Variants in VAMP3 observed in about 807,000 individuals in gnomAD.
The protein encoded by VAMP3 is vesicle-associated membrane protein 3.
VAMP3 carries 11 observed loss-of-function variants against 18.1 expected under a neutral mutation model. That is an observed-to-expected ratio of 0.61 (90% CI 0.38 to 1.00). The LOEUF (loss-of-function observed/expected upper bound fraction) is 1.00, where lower values mean the gene tolerates loss of function less well. Among genes scored for constraint, VAMP3 ranks in the 50% least tolerant of loss-of-function variants. The pLI is 0.01. For synonymous variants in VAMP3, 49 were observed against 43.1 expected, an observed-to-expected ratio of 1.14 and a Z score of -0.53; for missense variants, 122 against 127.3, an observed-to-expected ratio of 0.96 and a Z score of 0.20.
chr1:7,776,975 T>G, intron 2 of VAMP3, 185 bp from the exon 3 acceptor site: 3 of 476,870 alleles, frequency 6.3e-6, no homozygotes, highest in South Asian at 4.6e-5. Context: ...CCCGGCTGAT[T>G]TTCTTATGTT....
chr1:7,781,028 C>T lies in VAMP3; in HGVS notation c.*1383C>T, dbSNP rs2097056854. On this transcript the variant is annotated 3_prime_UTR_variant, in exon 5 of 5. Transcript: ENST00000054666. Reference sequence around the variant, plus strand: ...TGAGGGAGAAAGACACAGACTTTATCGCTCTGTGGCTCATTGTTACTGGAA... The same window carrying T: ...TGAGGGAGAAAGACACAGACTTTATTGCTCTGTGGCTCATTGTTACTGGAA... 1 of 152,814 alleles carries T rather than the reference C, an allele frequency of 6.5e-6. No individual in the cohort carries two copies. 9.5% of individuals were successfully genotyped at this position (152,814 alleles called of 1,614,324 possible). A position where few individuals can be genotyped will look rare whatever the true frequency, so the allele number is the denominator to read the frequency against.
At chr1:7,771,491 C>A (rs1428856979) in intron 1 of VAMP3, 106 bp downstream of exon 1, 1 of 1,339,052 alleles carries the variant, frequency 7.5e-7, no homozygotes, top group Non-Finnish European at 9.6e-7. Context: ...CGGACGCAGG[C>A]CGGGGCTGCG....
At chr1:7,773,383 C>T in intron 1 of VAMP3, 59 bp from the exon 2 acceptor site, 5 of 1,420,026 alleles carry the variant, frequency 3.5e-6, no homozygotes, top group Non-Finnish European at 4.9e-6. Flanking sequence ...CATCTTTATA[C>T]TTAAGAAAAT....
chr1:7,773,930 G>A (rs1305323174), intron 2 of VAMP3, among the ~76,000 whole-genome samples: 2 of 152,148 alleles, frequency 1.3e-5, no homozygotes, highest in Non-Finnish European at 2.9e-5. Flanking sequence ...TAATTGTCCA[G>A]CCTGAGCAAG....
At chr1:7,778,228 T>C (rs2097055289) in intron 4 of VAMP3, 59 bp downstream of exon 4, 3 of 1,583,572 alleles carry the variant, frequency 1.9e-6, no homozygotes, top group South Asian at 1.1e-5. Flanking sequence ...CACAGACCAT[T>C]GATTTTGTGT....
At chr1:7,779,344 C>T (rs568167859) in intron 4 of VAMP3, among the ~76,000 whole-genome samples, 13 of 152,310 alleles carry the variant, frequency 8.5e-5, no homozygotes, top group African/African-American at 2.4e-4. Flanking sequence ...TCACTGCCAT[C>T]GGTAGCCCAG....
intron 2 of VAMP3, chr1:7,776,829 C>T (rs114332376): frequency 3.5e-3 from 600 of 171,742 alleles, no homozygotes; most frequent in Non-Finnish European, 5.3e-3. Context: ...TTTTTTGAGA[C>T]GGAGTCTCAC....
At chr1:7,777,686 A>G (rs748849406) in intron 3 of VAMP3, among the ~76,000 whole-genome samples, 1 of 152,238 alleles carries the variant, frequency 6.6e-6, no homozygotes, top group Non-Finnish European at 1.5e-5. Context: ...AGGGAAAGAA[A>G]TGCTAGAAAG....
intron 2 of VAMP3, among the ~76,000 whole-genome samples, chr1:7,774,075 G>A (rs372553509): frequency 3.3e-5 from 5 of 152,154 alleles, no homozygotes; most frequent in African/African-American, 7.2e-5. Flanking sequence ...GTTCTGCGCC[G>A]TATGTGGAGA....
In VAMP3 at chr1:7,779,740, C is replaced by CT. The variant is rs2097056168; in HGVS notation, c.*96dup. On this transcript the variant is annotated 3_prime_UTR_variant, in exon 5 of 5. Coordinates refer to ENST00000054666, the MANE Select transcript of VAMP3 (RefSeq NM_004781.4). ...TTATCAAGCTTACCTACTGTTATCT[C>CT]TAAAATTTTTTTTGTGTTAATGTAA... 6.5e-7 allele frequency: 1 copy of CT among 1,549,802 alleles called. No individual in the cohort carries two copies. Among genetic ancestry groups the CT allele is most frequent in the African/African-American group, 1.4e-5 (1 of 72,146 alleles).
intron 4 of VAMP3, 72 bp from the exon 5 acceptor site, chr1:7,779,539 CTGCAGCATTGGATGT>C (rs1421846652): frequency 3.8e-6 from 6 of 1,577,484 alleles, no homozygotes; most frequent in Non-Finnish European, 5.2e-6. Flanking sequence ...CACATTTAGA[CTGCAGCATTGGATGT>C]TGGCTTGGGA....
In VAMP3 at chr1:7,777,209, A is replaced by G; in HGVS notation, c.122A>G (p.Gln41Arg). 6.2e-7 allele frequency: 1 copy of G among 1,613,890 alleles called. No individual in the cohort carries two copies. The highest frequency in any genetic ancestry group is 8.5e-7 in the Non-Finnish European group (1 of 1,179,942). ...VNVDKVLERD[Q>R]KLSELDDRAD... ...GTGGACAAGGTTCTGGAAAGAGACC[A>G]GAAGCTCTCTGAGTTAGACGACCGT... is the stretch of plus-strand genomic sequence containing the variant. The change falls in exon 3 of 5, where the codon CAG becomes CGG. Residue 41 changes from glutamine (Q) to arginine (R), a missense_variant. Coordinates refer to ENST00000054666, the MANE Select transcript of VAMP3 (RefSeq NM_004781.4).
chr1:7,778,473 G>C (rs944118240), intron 4 of VAMP3, among the ~76,000 whole-genome samples: 5 of 151,988 alleles, frequency 3.3e-5, no homozygotes, highest in African/African-American at 1.2e-4. Context: ...ATTCAAGGCT[G>C]CAGTGAGCCA....
intron 4 of VAMP3, among the ~76,000 whole-genome samples, chr1:7,779,217 A>C (rs2097055860): frequency 1.3e-5 from 2 of 152,128 alleles, no homozygotes; most frequent in African/African-American, 4.8e-5. Context: ...AAATAAAATA[A>C]ATAAAAATTG....
In VAMP3 at chr1:7,780,280, A is replaced by C. The variant is rs1348940455; in HGVS notation, c.*635A>C. On this transcript the variant is annotated 3_prime_UTR_variant, in exon 5 of 5. Transcript: ENST00000054666. ...TTAATCAGAGATAACCTCTTTAAAA[A>C]AATTTTTAAAGAACTATGGCTATGA... 6.5e-6 allele frequency: 1 copy of C among 152,834 alleles called. No homozygotes were observed. Among genetic ancestry groups the C allele is most frequent in the Non-Finnish European group, 1.5e-5 (1 of 68,070 alleles). 9.5% of individuals were successfully genotyped at this position (152,834 alleles called of 1,614,324 possible).
At chr1:7,773,299 T>C (rs2097052345) in intron 1 of VAMP3, 143 bp from the exon 2 acceptor site, 2 of 658,056 alleles carry the variant, frequency 3.0e-6, no homozygotes, top group Non-Finnish European at 2.6e-6. Flanking sequence ...TTTCGTTCAT[T>C]GCTTCAGGAA....
At chr1:7,773,595 TG>T in intron 2 of VAMP3, 84 bp downstream of exon 2, 17 of 1,336,880 alleles carry the variant, frequency 1.3e-5, no homozygotes, top group Non-Finnish European at 1.8e-5. Context: ...ATCATCAAAG[TG>T]TGAATGTAAA....
At chr1:7,772,554 A>G (rs1479086288) in intron 1 of VAMP3, among the ~76,000 whole-genome samples, 2 of 152,208 alleles carry the variant, frequency 1.3e-5, no homozygotes, top group South Asian at 2.1e-4. Flanking sequence ...AAAGATCTGC[A>G]TGGGGAGAAA....
chr1:7,772,580 A>T (rs1169203973), intron 1 of VAMP3: 4 of 152,346 alleles, frequency 2.6e-5, no homozygotes, highest in Admixed American at 6.5e-5. Context: ...CCTTTGATGA[A>T]GATTTTAAAA....
Sources: gnomAD v4.1 joint callset for allele counts (sites outside exome capture counted in the v4.1 genomes callset) on GRCh38, gnomAD v4.1.1 for gene constraint, MANE v1.5 for transcripts, NCBI Gene and HGNC (gene_info 2026-07-23, HGNC 2026-07-21) for gene names.